Variants in PLXDC2 observed in about 807,000 individuals in gnomAD.
PLXDC2 encodes the protein plexin domain containing 2.
A neutral mutation model predicts 68.9 loss-of-function variants in PLXDC2; 40 were observed. That is an observed-to-expected ratio of 0.58 (90% CI 0.45 to 0.76). The LOEUF (loss-of-function observed/expected upper bound fraction) is 0.76. Ranked by LOEUF, PLXDC2 falls within the 30% of genes least tolerant of loss-of-function variation. The pLI is 0.00. For synonymous variants in PLXDC2, 243 were observed against 234.2 expected, an observed-to-expected ratio of 1.04 and a Z score of -0.34; for missense variants, 644 against 661.9, an observed-to-expected ratio of 0.97 and a Z score of 0.30.
intron 1 of PLXDC2, among the ~76,000 whole-genome samples, chr10:19,835,789 G>A (rs1836778680): frequency 6.6e-6 from 1 of 152,098 alleles, no homozygotes; most frequent in Admixed American, 6.6e-5. Flanking sequence ...GTGGAGGAAT[G>A]GTGGCTAGCT....
Position 20,285,670 on chromosome 10 carries a change from G to T in PLXDC2, c.*5851G>T. On this transcript the variant is annotated 3_prime_UTR_variant, in exon 14 of 14. Coordinates refer to ENST00000377252, the MANE Select transcript of PLXDC2 (RefSeq NM_032812.9). ...GTCTTACTGACCAGATGCAACAGTTGAAGTTTGATTTCTCGACCCAATATT... is the reference window on the plus strand; with the variant it reads ...GTCTTACTGACCAGATGCAACAGTTTAAGTTTGATTTCTCGACCCAATATT... 6.6e-6 allele frequency: 1 copy of T among 152,282 alleles called. No individual in the cohort carries two copies. Among genetic ancestry groups the T allele is most frequent in the East Asian group, 1.9e-4 (1 of 5,188 alleles). 9.4% of individuals were successfully genotyped at this position (152,282 alleles called of 1,614,324 possible). A position where few individuals can be genotyped will look rare whatever the true frequency, so the allele number is the denominator to read the frequency against.
intron 13 of PLXDC2, 28 bp downstream of exon 13, chr10:20,245,533 C>T: frequency 1.3e-6 from 2 of 1,595,198 alleles, no homozygotes; most frequent in Non-Finnish European, 1.7e-6. Flanking sequence ...CACATGAAAA[C>T]CACGCCAGTT....
At chr10:20,079,683 A>G (rs1365766908) in intron 4 of PLXDC2, among the ~76,000 whole-genome samples, 1 of 152,200 alleles carries the variant, frequency 6.6e-6, no homozygotes, top group East Asian at 1.9e-4. Flanking sequence ...TAACACAGGA[A>G]CAGAAAACCA....
chr10:20,085,059 A>G (rs765874887), intron 4 of PLXDC2, among the ~76,000 whole-genome samples: 2 of 151,746 alleles, frequency 1.3e-5, no homozygotes, highest in Non-Finnish European at 2.9e-5. Flanking sequence ...AAAAGTGTGC[A>G]TTTCTTTTTT....
At chr10:20,070,771 G>A (rs1461153056) in intron 4 of PLXDC2, 1 of 152,154 alleles carries the variant, frequency 6.6e-6, no homozygotes, top group East Asian at 1.9e-4. Flanking sequence ...CTTAAAATGT[G>A]TACACACAGT....
chr10:19,983,662 T>G (rs1341904036), intron 1 of PLXDC2, among the ~76,000 whole-genome samples: 1 of 152,184 alleles, frequency 6.6e-6, no homozygotes, highest in Non-Finnish European at 1.5e-5. Flanking sequence ...TCTGGGTTCT[T>G]CTTTTGTTCC....
chr10:20,051,007 G>T (rs1589605570), intron 3 of PLXDC2, among the ~76,000 whole-genome samples: 1 of 152,100 alleles, frequency 6.6e-6, no homozygotes, highest in Non-Finnish European at 1.5e-5. Flanking sequence ...ATGACAGATT[G>T]GATAAAGAAA....
intron 2 of PLXDC2, among the ~76,000 whole-genome samples, chr10:20,006,037 A>G (rs777776744): frequency 1.3e-5 from 2 of 152,058 alleles, no homozygotes; most frequent in African/African-American, 2.4e-5. Flanking sequence ...TAAAAATACA[A>G]AAATTAGCTG....
chr10:20,036,883 A>G (rs971763582), intron 2 of PLXDC2, among the ~76,000 whole-genome samples: 1 of 152,232 alleles, frequency 6.6e-6, no homozygotes, highest in African/African-American at 2.4e-5. Context: ...TTTATCAACA[A>G]GGATGATTAT....
chr10:19,925,022 G>C (rs1227159846), intron 1 of PLXDC2, among the ~76,000 whole-genome samples: 2 of 152,138 alleles, frequency 1.3e-5, no homozygotes, highest in African/African-American at 4.8e-5. Flanking sequence ...ATTCAAAATT[G>C]GGGTGAAGTT....
At chr10:20,110,080 A>T (rs187759028) in intron 4 of PLXDC2, among the ~76,000 whole-genome samples, 1 of 152,354 alleles carries the variant, frequency 6.6e-6, no homozygotes, top group Non-Finnish European at 1.5e-5. Context: ...ATGAAAAGTG[A>T]CAGGAAAGTT....
At chr10:20,109,546 C>T (rs1221758287) in intron 4 of PLXDC2, among the ~76,000 whole-genome samples, 2 of 152,120 alleles carry the variant, frequency 1.3e-5, no homozygotes, top group Non-Finnish European at 1.5e-5. Context: ...GGACATTCTG[C>T]TCCAGTGTTT....
At chr10:20,175,494 C>A (rs1834514133) in intron 7 of PLXDC2, among the ~76,000 whole-genome samples, 1 of 152,108 alleles carries the variant, frequency 6.6e-6, no homozygotes, top group Non-Finnish European at 1.5e-5. Context: ...TCAGCCTGGG[C>A]AACATAGCAA....
chr10:20,108,520 G>A (rs1048226152), intron 4 of PLXDC2, among the ~76,000 whole-genome samples: 1 of 152,136 alleles, frequency 6.6e-6, no homozygotes, highest in Non-Finnish European at 1.5e-5. Flanking sequence ...CGTATTATGT[G>A]GAGGAGATGA....
intron 1 of PLXDC2, among the ~76,000 whole-genome samples, chr10:19,995,920 C>T (rs1352654573): frequency 6.6e-6 from 1 of 152,136 alleles, no homozygotes; most frequent in Non-Finnish European, 1.5e-5. Context: ...GCAATAGTAA[C>T]TATATTCATT....
At chr10:20,202,144 A>G (rs1458445849) in intron 9 of PLXDC2, among the ~76,000 whole-genome samples, 2 of 152,192 alleles carry the variant, frequency 1.3e-5, no homozygotes, top group Non-Finnish European at 2.9e-5. Flanking sequence ...ATATAATGAC[A>G]TAGAAAATAT....
At chr10:20,241,373 T>C (rs1312796937) in intron 12 of PLXDC2, among the ~76,000 whole-genome samples, 1 of 152,184 alleles carries the variant, frequency 6.6e-6, no homozygotes, top group Non-Finnish European at 1.5e-5. Flanking sequence ...CTCTTTTTCC[T>C]TCCTGGGAAA....
intron 7 of PLXDC2, among the ~76,000 whole-genome samples, chr10:20,166,525 C>T (rs1359703469): frequency 6.6e-6 from 1 of 152,126 alleles, no homozygotes; most frequent in South Asian, 2.1e-4. Flanking sequence ...GATGGCCGTT[C>T]TCACATTCTT....
At chr10:20,164,357 C>G in intron 6 of PLXDC2, 111 bp from the exon 7 acceptor site, 1 of 889,218 alleles carries the variant, frequency 1.1e-6, no homozygotes, top group Non-Finnish European at 1.8e-6. Context: ...CCTTTCTAGT[C>G]TTTTATCTCC....
Sources: gnomAD v4.1 joint callset for allele counts (sites outside exome capture counted in the v4.1 genomes callset) on GRCh38, gnomAD v4.1.1 for gene constraint, MANE v1.5 for transcripts, NCBI Gene and HGNC (gene_info 2026-07-23, HGNC 2026-07-21) for gene names.